The following TARP variants were observed in gnomAD, a reference collection of about 807,000 sequenced individuals.
chr7:38,263,096 T>A, the TARP span, among the ~76,000 whole-genome samples: 9 of 151,744 alleles, frequency 5.9e-5, no homozygotes, highest in Non-Finnish European at 1.3e-4. Context: ...CCCCAGCAAG[T>A]ACCCATGATT....
the TARP span, chr7:38,265,597 C>G: frequency 1.2e-6 from 2 of 1,611,862 alleles, no homozygotes; most frequent in South Asian, 1.1e-5. Flanking sequence ...AAGGTATGTT[C>G]CAGCCTTCTG....
At chr7:38,268,504 T>C in the TARP span, among the ~76,000 whole-genome samples, 11 of 151,864 alleles carry the variant, frequency 7.2e-5, no homozygotes, top group African/African-American at 2.7e-4. Flanking sequence ...TTTAATTGAT[T>C]TGATATCTTG....
the TARP span, among the ~76,000 whole-genome samples, chr7:38,260,928 T>C: frequency 2.1e-4 from 32 of 151,764 alleles, no homozygotes; most frequent in African/African-American, 7.5e-4. Context: ...GAGCCCATGC[T>C]TCTAGTCGCA....
At chr7:38,271,363 T>C in the TARP span, among the ~76,000 whole-genome samples, 980 of 151,576 alleles carry the variant, frequency 6.5e-3, 3 homozygotes, top group Middle Eastern at 0.01. Flanking sequence ...ATGAAGCTTT[T>C]TTTCCCCAAA....
the TARP span, among the ~76,000 whole-genome samples, chr7:38,261,031 A>G: frequency 6.6e-6 from 1 of 151,856 alleles, no homozygotes; most frequent in African/African-American, 2.4e-5. Flanking sequence ...TCTCACATTC[A>G]TGCCTTTATC....
the TARP span, among the ~76,000 whole-genome samples, chr7:38,271,643 G>T: frequency 1.9e-3 from 288 of 151,288 alleles, no homozygotes; most frequent in African/African-American, 6.4e-3. Flanking sequence ...TAGAATAACA[G>T]AATAAATTGG....
the TARP span, chr7:38,273,459 G>A: frequency 7.8e-6 from 6 of 764,538 alleles, no homozygotes; most frequent in East Asian, 2.6e-5. Flanking sequence ...CATGAACCAA[G>A]TCACCTGACC....
chr7:38,268,343 A>T, the TARP span, among the ~76,000 whole-genome samples: 1 of 151,624 alleles, frequency 6.6e-6, no homozygotes, highest in Non-Finnish European at 1.5e-5. Context: ...ACCAAATATC[A>T]ACTACAGTTT....
the TARP span, among the ~76,000 whole-genome samples, chr7:38,264,222 A>G: frequency 1.3e-5 from 2 of 151,960 alleles, no homozygotes; most frequent in East Asian, 3.9e-4. Context: ...AAGAAAGAGC[A>G]TTAGAAATCT....
the TARP span, among the ~76,000 whole-genome samples, chr7:38,266,923 C>T: frequency 3.3e-5 from 5 of 151,718 alleles, no homozygotes; most frequent in African/African-American, 2.4e-5. Flanking sequence ...TAATCTTCTG[C>T]AGTAACGCAC....
the TARP span, among the ~76,000 whole-genome samples, chr7:38,270,141 G>T: frequency 6.6e-6 from 1 of 151,902 alleles, no homozygotes; most frequent in South Asian, 2.1e-4. Flanking sequence ...TTATGATGAT[G>T]ATGATGTCAT....
the TARP span, among the ~76,000 whole-genome samples, chr7:38,267,370 T>C: frequency 6.6e-6 from 1 of 152,006 alleles, no homozygotes; most frequent in Non-Finnish European, 1.5e-5. Context: ...ACTGAAATTA[T>C]AAATGTTACA....
the TARP span, among the ~76,000 whole-genome samples, chr7:38,263,643 TA>T: frequency 3.8e-3 from 544 of 143,516 alleles, no homozygotes; most frequent in African/African-American, 7.2e-3. Context: ...TCTGTGATGT[TA>T]AAAAAAAAAA....
chr7:38,264,491 T>G, the TARP span, among the ~76,000 whole-genome samples: 2 of 150,428 alleles, frequency 1.3e-5, no homozygotes, highest in East Asian at 3.9e-4. Context: ...GTCGGGAGGC[T>G]GAAGTAAGAG....
chr7:38,259,773 T>C, the TARP span: 1 of 272,394 alleles, frequency 3.7e-6, no homozygotes, highest in East Asian at 8.3e-5. Context: ...TAAAGAACAC[T>C]AAGAGAGGGA....
the TARP span, chr7:38,265,267 T>C: frequency 1.9e-6 from 2 of 1,042,078 alleles, no homozygotes; most frequent in Non-Finnish European, 2.8e-6. Flanking sequence ...TTTATGTTTG[T>C]TTTTCATTAA....
the TARP span, among the ~76,000 whole-genome samples, chr7:38,264,015 T>C: frequency 6.6e-6 from 1 of 151,972 alleles, no homozygotes; most frequent in Non-Finnish European, 1.5e-5. Context: ...ATGCATTGAT[T>C]GAGGTAAAAA....
At chr7:38,272,653 C>G in the TARP span, among the ~76,000 whole-genome samples, 3 of 149,102 alleles carry the variant, frequency 2.0e-5, no homozygotes, top group South Asian at 2.1e-4. Context: ...AATGAACCAG[C>G]ATTTTTATAA....
the TARP span, chr7:38,273,468 C>T: frequency 2.4e-6 from 2 of 832,066 alleles, no homozygotes; most frequent in Non-Finnish European, 3.9e-6. Context: ...AGTCACCTGA[C>T]CTCTCTGGAG....
Sources: allele counts gnomAD v4.1 joint callset (sites outside exome capture counted in the v4.1 genomes callset), GRCh38; gene constraint gnomAD v4.1.1; transcripts MANE v1.5.